SMAD9: variants seen among roughly 807,000 people sequenced by gnomAD.
SMAD9 encodes the protein MAD homolog 9.
In SMAD9, 36 loss-of-function variants were observed where a neutral mutation model predicts 46.1. The ratio of observed to expected loss-of-function variants is 0.78; its 90% CI spans 0.60 to 1.03. The LOEUF (loss-of-function observed/expected upper bound fraction) is 1.03, where lower values mean the gene tolerates loss of function less well. Ranked by LOEUF, SMAD9 falls within the 50% of genes least tolerant of loss-of-function variation. SMAD9 has a pLI of 0.00. For synonymous variants in SMAD9, 245 were observed against 237.1 expected (o/e 1.03, Z -0.31); for missense variants, 572 against 599.8 (o/e 0.95, Z 0.48).
chr13:36,896,027 T>C (rs546307492), intron 1 of SMAD9, among the ~76,000 whole-genome samples: 4 of 152,298 alleles, frequency 2.6e-5, no homozygotes, highest in Non-Finnish European at 4.4e-5. Flanking sequence ...AGTTTTAAAA[T>C]GACAAATGTA....
chr13:36,895,450 T>C (rs1373971028), intron 1 of SMAD9, among the ~76,000 whole-genome samples: 1 of 152,186 alleles, frequency 6.6e-6, no homozygotes, highest in Non-Finnish European at 1.5e-5. Flanking sequence ...GCAGCATCCT[T>C]GGCCTCCACC....
intron 5 of SMAD9, among the ~76,000 whole-genome samples, chr13:36,860,269 G>A (rs1019246106): frequency 6.6e-6 from 1 of 151,866 alleles, no homozygotes; most frequent in African/African-American, 2.4e-5. Flanking sequence ...CAGAACTTGA[G>A]ATATACAAGA....
intron 1 of SMAD9, among the ~76,000 whole-genome samples, chr13:36,885,768 G>A (rs1013999722): frequency 2.0e-5 from 3 of 151,670 alleles, no homozygotes; most frequent in African/African-American, 7.3e-5. Context: ...TTGGGTGATT[G>A]CACAAATACT....
Position 36,845,497 on chromosome 13 carries a change from CG to C in SMAD9, c.*3178del, listed in dbSNP as rs1593539188. 3.7e-5 allele frequency: 5 copies of C among 136,504 alleles called. No individual in the cohort carries two copies. The highest frequency in any genetic ancestry group is 2.2e-4 in the East Asian group (1 of 4,492). 8.5% of individuals were successfully genotyped at this position (136,504 alleles called of 1,614,324 possible). A position where few individuals can be genotyped will look rare whatever the true frequency, so the allele number is the denominator to read the frequency against. On this transcript the variant is annotated 3_prime_UTR_variant, in exon 7 of 7. Transcript: ENST00000379826. ...AATGTTCTGGGTCTTGTGAGCAGACCGAAATGTTACTACAGTGTTCTCTATT... is the reference window on the plus strand; with the variant it reads ...AATGTTCTGGGTCTTGTGAGCAGACCAAATGTTACTACAGTGTTCTCTATT...
chr13:36,885,008 T>C (rs1346471237), intron 1 of SMAD9, among the ~76,000 whole-genome samples: 2 of 152,220 alleles, frequency 1.3e-5, no homozygotes, highest in African/African-American at 4.8e-5. Flanking sequence ...TATTTGTTTT[T>C]GTCTTTTAAT....
intron 5 of SMAD9, among the ~76,000 whole-genome samples, chr13:36,857,614 C>T (rs1189798630): frequency 6.6e-6 from 1 of 151,982 alleles, no homozygotes; most frequent in Non-Finnish European, 1.5e-5. Context: ...CTTCTTTTGC[C>T]TTGAATGACA....
At chr13:36,902,839 A>T (rs2058588048) in intron 1 of SMAD9, among the ~76,000 whole-genome samples, 1 of 152,168 alleles carries the variant, frequency 6.6e-6, no homozygotes, top group African/African-American at 2.4e-5. Flanking sequence ...TACGGCCTCA[A>T]TTAGGATATG....
intron 1 of SMAD9, among the ~76,000 whole-genome samples, chr13:36,915,888 A>C (rs760884426): frequency 6.6e-6 from 1 of 152,262 alleles, no homozygotes. Flanking sequence ...TCCCAATTAA[A>C]ACGGTACAAC....
intron 1 of SMAD9, among the ~76,000 whole-genome samples, chr13:36,896,702 A>G (rs946798064): frequency 3.3e-5 from 5 of 152,192 alleles, no homozygotes; most frequent in African/African-American, 1.2e-4. Context: ...TTCCTAAAAA[A>G]GGCGGCTCAA....
chr13:36,892,434 T>C (rs949833785), intron 1 of SMAD9, among the ~76,000 whole-genome samples: 1 of 152,202 alleles, frequency 6.6e-6, no homozygotes, highest in African/African-American at 2.4e-5. Context: ...TTAAAAATTA[T>C]GGCAAAGCCC....
At chr13:36,854,653 T>TG (rs1450034935) in intron 5 of SMAD9, among the ~76,000 whole-genome samples, 1 of 152,204 alleles carries the variant, frequency 6.6e-6, no homozygotes, top group African/African-American at 2.4e-5. Context: ...ATTACAGGCA[T>TG]GAGCCACTGC....
chr13:36,864,992 C>T (rs1439905660), intron 5 of SMAD9, among the ~76,000 whole-genome samples: 1 of 152,200 alleles, frequency 6.6e-6, no homozygotes, highest in Non-Finnish European at 1.5e-5. Flanking sequence ...AGATGGGCTT[C>T]AAAAGCATCA....
intron 1 of SMAD9, among the ~76,000 whole-genome samples, chr13:36,907,337 G>A (rs566250385): frequency 3.3e-5 from 5 of 152,246 alleles, no homozygotes; most frequent in South Asian, 2.1e-4. Context: ...ACATAAAACC[G>A]GAATGTGCTT....
At chr13:36,880,253 ATCTC>A (rs1240937788) in intron 1 of SMAD9, among the ~76,000 whole-genome samples, 1 of 152,078 alleles carries the variant, frequency 6.6e-6, no homozygotes, top group East Asian at 1.9e-4. Flanking sequence ...CTGAAGTAGC[ATCTC>A]TCTTTCTCTC....
At chr13:36,858,111 A>G (rs2058144299) in intron 5 of SMAD9, among the ~76,000 whole-genome samples, 1 of 152,228 alleles carries the variant, frequency 6.6e-6, no homozygotes. Context: ...GTGAATCTTT[A>G]TTGAAGCCGG....
At chr13:36,920,052 G>A (rs1163489184) in intron 1 of SMAD9, 64 bp downstream of exon 1, 1 of 147,542 alleles carries the variant, frequency 6.8e-6, no homozygotes, top group Admixed American at 6.7e-5. Context: ...ACCCAGGTCC[G>A]GCGCCCCCAA....
chr13:36,856,374 G>A (rs2058124951), intron 5 of SMAD9, among the ~76,000 whole-genome samples: 1 of 152,186 alleles, frequency 6.6e-6, no homozygotes, highest in Non-Finnish European at 1.5e-5. Flanking sequence ...TCAGGGGTTG[G>A]TTTTCAATCC....
chr13:36,911,178 TA>T (rs1446457365), intron 1 of SMAD9, among the ~76,000 whole-genome samples: 1 of 151,974 alleles, frequency 6.6e-6, no homozygotes, highest in East Asian at 1.9e-4. Flanking sequence ...GCTAAATTTT[TA>T]AAATATTTTT....
At chr13:36,904,978 T>C (rs753666802) in intron 1 of SMAD9, among the ~76,000 whole-genome samples, 36 of 152,236 alleles carry the variant, frequency 2.4e-4, no homozygotes, top group Non-Finnish European at 1.2e-4. Context: ...TTCATCCTTT[T>C]ATCACCATTC....
Sources: gnomAD v4.1 joint callset for allele counts (sites outside exome capture counted in the v4.1 genomes callset) on GRCh38, gnomAD v4.1.1 for gene constraint, MANE v1.5 for transcripts, NCBI Gene and HGNC (gene_info 2026-07-23, HGNC 2026-07-21) for gene names.